P3H2: variants seen among roughly 807,000 people sequenced by gnomAD.
The protein encoded by P3H2 is prolyl 3-hydroxylase 2.
In P3H2, 80 loss-of-function variants were observed where a neutral mutation model predicts 87.0. The observed-to-expected ratio is 0.92, with a 90% CI of 0.77 to 1.11. P3H2 has a LOEUF of 1.11. P3H2 is among the 50% of genes least tolerant of loss of function. The pLI is 0.00. For missense variants in P3H2, 1,001 were observed against 923.9 expected (o/e 1.08, Z -1.08); for synonymous variants, 367 against 359.3 (o/e 1.02, Z -0.24).
chr3:190,037,226 C>A lies in P3H2; in HGVS notation c.481-41784G>T, dbSNP rs117010285. On this transcript the variant is annotated intron_variant, in intron 1 of 14. Transcript: ENST00000319332. The stretch of plus-strand genomic sequence containing the variant: ...AGAGCATTAAGGTGTATAATTTATA[C>A]CTTTTCAACTTAATTCTAGAATTCT... Among the ~76,000 whole-genome samples the A allele has an allele frequency of 2.3e-3, 356 of 152,092 alleles. 15 individuals carry two copies. In the East Asian group the frequency reaches 0.06, roughly 26 times the overall value.
At chr3:189,973,077 A>G (rs1723227624) in intron 10 of P3H2, 53 bp from the exon 11 acceptor site, 2 of 1,537,298 alleles carry the variant, frequency 1.3e-6, no homozygotes. Flanking sequence ...GGAGGTCGTA[A>G]GAAAAACAGG....
Position 190,014,878 on chromosome 3 carries a change from C to T in P3H2, c.481-19436G>A, listed in dbSNP as rs534078196. ...CCTTGGTAAGAGGGAATGTGTAAGACCAGACATCAGAAGAGAGGAATTCTA... is the reference window on the plus strand; with the variant it reads ...CCTTGGTAAGAGGGAATGTGTAAGATCAGACATCAGAAGAGAGGAATTCTA... On this transcript the variant is annotated intron_variant, in intron 1 of 14. Transcript: ENST00000319332. Among the ~76,000 whole-genome samples the T allele has an allele frequency of 5.9e-5, 9 of 152,236 alleles. No homozygotes were observed. In the South Asian group the frequency reaches 1.9e-3, roughly 32 times the overall value.
chr3:190,098,788 G>A (rs904239578), intron 1 of P3H2, among the ~76,000 whole-genome samples: 3 of 152,156 alleles, frequency 2.0e-5, no homozygotes, highest in Admixed American at 6.5e-5. Context: ...GGTGTATTTC[G>A]CAGAATTAAA....
chr3:189,999,295 A>G (rs1189652470), intron 1 of P3H2, among the ~76,000 whole-genome samples: 3 of 152,228 alleles, frequency 2.0e-5, no homozygotes, highest in Non-Finnish European at 4.4e-5. Flanking sequence ...ATAAAAAAAG[A>G]TTCCATGACT....
intron 1 of P3H2, among the ~76,000 whole-genome samples, chr3:190,065,107 A>T (rs918062259): frequency 5.9e-5 from 9 of 152,074 alleles, no homozygotes; most frequent in Non-Finnish European, 1.3e-4. Context: ...TCCATTAAAA[A>T]ACCGAGTCTC....
At position 189,972,442 on chromosome 3, in the gene P3H2, G is replaced by C. The variant is rs569863236; in HGVS notation, c.1699+432C>G. On this transcript the variant is annotated intron_variant, in intron 11 of 14. Transcript: ENST00000319332. ...CCCATTCAGAGGGGCATAAGACATA[G>C]AGGAGAAATAATGCTGAGCAGGGAC... Among the ~76,000 whole-genome samples the C allele has an allele frequency of 9.2e-5, 14 of 152,276 alleles. No homozygotes were observed. In the South Asian group the frequency reaches 2.9e-3, roughly 32 times the overall value.
intron 1 of P3H2, among the ~76,000 whole-genome samples, chr3:190,088,789 A>T (rs1160256054): frequency 6.6e-6 from 1 of 152,176 alleles, no homozygotes; most frequent in Non-Finnish European, 1.5e-5. Flanking sequence ...AAAATGAAAA[A>T]TTTTATGTAG....
chr3:190,085,997 T>TAAA (rs982771737), intron 1 of P3H2, among the ~76,000 whole-genome samples: 5 of 152,164 alleles, frequency 3.3e-5, no homozygotes, highest in African/African-American at 1.2e-4. Flanking sequence ...CTAAAAGATT[T>TAAA]AAATAAAGAT....
intron 1 of P3H2, among the ~76,000 whole-genome samples, chr3:190,117,339 C>T (rs1018360475): frequency 6.6e-6 from 1 of 152,178 alleles, no homozygotes; most frequent in Non-Finnish European, 1.5e-5. Context: ...GCCCACTCAG[C>T]AGGATTTGGG....
intron 1 of P3H2, among the ~76,000 whole-genome samples, chr3:189,999,603 C>A (rs1165864487): frequency 6.6e-6 from 1 of 152,138 alleles, no homozygotes; most frequent in Non-Finnish European, 1.5e-5. Flanking sequence ...TGAAACAAAC[C>A]AACAGCACAC....
chr3:190,113,971 T>A (rs1467775425), intron 1 of P3H2, among the ~76,000 whole-genome samples: 2 of 146,644 alleles, frequency 1.4e-5, no homozygotes, highest in Non-Finnish European at 3.0e-5. Context: ...TCCCAGCTAC[T>A]CGGGAGGCTG....
chr3:190,066,547 C>G (rs1726511773), intron 1 of P3H2, among the ~76,000 whole-genome samples: 1 of 151,978 alleles, frequency 6.6e-6, no homozygotes, highest in Non-Finnish European at 1.5e-5. Flanking sequence ...GTATACTGCT[C>G]AGGTGATGGT....
intron 1 of P3H2, among the ~76,000 whole-genome samples, chr3:190,107,151 T>C (rs933043123): frequency 1.4e-4 from 22 of 152,310 alleles, no homozygotes; most frequent in African/African-American, 4.6e-4. Context: ...CAATTTTTTC[T>C]ATATGAGTAT....
chr3:190,025,683 G>T (rs1560367911), intron 1 of P3H2, among the ~76,000 whole-genome samples: 1 of 152,092 alleles, frequency 6.6e-6, no homozygotes, highest in Non-Finnish European at 1.5e-5. Flanking sequence ...ATAGATAAAA[G>T]TCAAATAGAA....
chr3:189,986,436 A>C (rs371254517), intron 6 of P3H2, among the ~76,000 whole-genome samples: 6 of 151,826 alleles, frequency 4.0e-5, no homozygotes, highest in East Asian at 3.9e-4. Context: ...AATACAAAAA[A>C]AAATTAGCTG....
chr3:189,980,096 C>T (rs1723483765), intron 8 of P3H2, among the ~76,000 whole-genome samples: 1 of 152,106 alleles, frequency 6.6e-6, no homozygotes, highest in Admixed American at 6.6e-5. Flanking sequence ...TGTAAGTAGC[C>T]CTGGGTCACC....
At chr3:189,962,850 A>C (rs1170067774) in intron 14 of P3H2, among the ~76,000 whole-genome samples, 15 of 152,230 alleles carry the variant, frequency 9.9e-5, no homozygotes, top group Non-Finnish European at 1.5e-5. Flanking sequence ...AATTGGATTC[A>C]ACTTAGGAAC....
At chr3:190,041,374 T>G (rs1328059482) in intron 1 of P3H2, among the ~76,000 whole-genome samples, 1 of 151,812 alleles carries the variant, frequency 6.6e-6, no homozygotes, top group African/African-American at 2.4e-5. Flanking sequence ...ATTAAGAGTA[T>G]ATTTTTTAAA....
At chr3:189,971,234 C>A (rs912232401) in intron 12 of P3H2, among the ~76,000 whole-genome samples, 1 of 152,176 alleles carries the variant, frequency 6.6e-6, no homozygotes, top group Admixed American at 6.5e-5. Context: ...CCTTATATAA[C>A]TCTAAAGGAT....
Sources: allele counts gnomAD v4.1 joint callset (sites outside exome capture counted in the v4.1 genomes callset), GRCh38; gene constraint gnomAD v4.1.1; transcripts MANE v1.5; gene names NCBI Gene and HGNC (gene_info 2026-07-23, HGNC 2026-07-21).